Variants in EPHB4 observed in about 807,000 individuals in gnomAD.
EPHB4 encodes EPH receptor B4, also known as ephrin type-B receptor 4.
Under a neutral mutation model 110.6 loss-of-function variants are expected in EPHB4, and 50 were observed. That is an observed-to-expected ratio of 0.45 (90% CI 0.36 to 0.57). EPHB4 has a LOEUF of 0.57. EPHB4 is among the 20% of genes least tolerant of loss of function. The pLI, the probability that EPHB4 is intolerant of heterozygous loss-of-function variation, is 0.00. For missense variants in EPHB4, 1,128 were observed against 1,382.1 expected, an observed-to-expected ratio of 0.82 and a Z score of 2.91; for synonymous variants, 592 against 578.4, an observed-to-expected ratio of 1.02 and a Z score of -0.34.
At position 100,817,082 on chromosome 7, in the gene EPHB4, C is replaced by CA. The variant is rs35304729; in HGVS notation, c.1588+109dup. On this transcript the variant is annotated intron_variant, in intron 8 of 16. Coordinates refer to ENST00000358173, the MANE Select transcript of EPHB4 (RefSeq NM_004444.5). Reference sequence around the variant, plus strand: ...TGAGGGACAGAGCAAGACTCCATCTCAAAAAAAAAAAAAAAAAAAAAAGAT... The same window carrying CA: ...TGAGGGACAGAGCAAGACTCCATCTCAAAAAAAAAAAAAAAAAAAAAAAGAT... 166,403 of 751,216 alleles carry CA rather than the reference C, an allele frequency of 0.22. 9,470 individuals are homozygous for CA. Among genetic ancestry groups the CA allele is most frequent in the Middle Eastern group, 0.27 (551 of 2,052 alleles). 46.5% of individuals were successfully genotyped at this position (751,216 alleles called of 1,614,324 possible).
Position 100,819,444 on chromosome 7 carries a change from T to A in EPHB4, c.1297+113A>T, listed in dbSNP as rs534596807. On this transcript the variant is annotated intron_variant, in intron 6 of 16. Coordinates refer to ENST00000358173, the MANE Select transcript of EPHB4 (RefSeq NM_004444.5). ...TTTCTGCCTCTTGCCCCCAAAGCCT[T>A]AGCCCCTCACACTTCCGGGGTACCC... The A allele has an allele frequency of 1.5e-4, 186 of 1,252,046 alleles. No individual in the cohort carries two copies. The African/African-American group carries it at 2.5e-3, about 17-fold the overall frequency. The allele number at this position is 1,252,046 out of a possible 1,614,324, so 77.6% of individuals were successfully genotyped here. A position where few individuals can be genotyped will look rare whatever the true frequency, so the allele number is the denominator to read the frequency against.
chr7:100,817,914 C>T (rs1255743014), intron 7 of EPHB4, among the ~76,000 whole-genome samples: 10 of 123,632 alleles, frequency 8.1e-5, no homozygotes, highest in Middle Eastern at 6.9e-3. Context: ...TCGCCCAGGC[C>T]GGACTGCAGT....
intron 16 of EPHB4, among the ~76,000 whole-genome samples, chr7:100,804,594 C>T (rs951318379): frequency 6.6e-6 from 1 of 152,138 alleles, no homozygotes. Flanking sequence ...GCATTACAGG[C>T]ATGAGCCACC....
In EPHB4 at chr7:100,823,900, T is replaced by C; in HGVS notation, c.155A>G (p.Gln52Arg). ...WEELSGLDEE[Q>R]HSVRTYEVCD... ...CACTTCGTAGGTGCGCACGCTGTGC[T>C]GTTCCTCATCCAGGCCGCTCAGTTC... is the stretch of plus-strand genomic sequence containing the variant. Residue 52 changes from glutamine (Q) to arginine (R), a missense_variant, in exon 3 of 17, where the codon CAG (glutamine) becomes CGG (arginine). Physicochemically the swap from Gln to Arg is conservative, Grantham distance 43 (BLOSUM62 1). Coordinates refer to ENST00000358173, the MANE Select transcript of EPHB4 (RefSeq NM_004444.5). The C allele has an allele frequency of 6.2e-7, 1 of 1,602,464 alleles. No individual in the cohort carries two copies. Among genetic ancestry groups the C allele is most frequent in the Non-Finnish European group, 8.5e-7 (1 of 1,174,616 alleles).
chr7:100,813,169 G>A lies in EPHB4; in HGVS notation c.1796C>T (p.Pro599Leu). The A allele has an allele frequency of 2.5e-6, 4 of 1,608,612 alleles. No individual in the cohort carries two copies. Among genetic ancestry groups the A allele is most frequent in the African/African-American group, 2.7e-5 (2 of 75,050 alleles). ...TGCAAATTCCCTCACAGCCTCATTA[G>A]GGTCTTCATAAGTGAAGGGGTCGAT... ...VYIDPFTYED[P>L]NEAVREFAKE... Residue 599 changes from proline (P) to leucine (L), a missense_variant, in exon 11 of 17, where the codon CCT becomes CTT. Pro to Leu is a moderately conservative substitution (Grantham distance 98). Coordinates refer to ENST00000358173, the MANE Select transcript of EPHB4 (RefSeq NM_004444.5).
At chr7:100,803,873 TG>T (rs1024140173) in intron 16 of EPHB4, among the ~76,000 whole-genome samples, 2 of 151,754 alleles carry the variant, frequency 1.3e-5, no homozygotes, top group East Asian at 1.9e-4. Flanking sequence ...AAAATGAGAC[TG>T]GGGGAAGAGG....
At chr7:100,810,990 C>T (rs1169704530) in intron 12 of EPHB4, among the ~76,000 whole-genome samples, 1 of 151,944 alleles carries the variant, frequency 6.6e-6, no homozygotes, top group Non-Finnish European at 1.5e-5. Flanking sequence ...TGGCTCATGC[C>T]TGTAATCCCA....
In EPHB4 at chr7:100,812,834, G is replaced by A; in HGVS notation, c.2031C>T (p.Ile677=). The change falls in exon 12 of 17, where the codon ATC becomes ATT. Residue 677 remains isoleucine, a synonymous_variant. Coordinates refer to ENST00000358173, the MANE Select transcript of EPHB4 (RefSeq NM_004444.5). ...IMGQFEHPNI[I]RLEGVVTNSM... is the part of the protein sequence containing the mutation. ...TGTTGGTGACCACGCCCTCCAGGCG[G>A]ATGATATTGGGGTGCTCGAACTGGC... is the stretch of plus-strand genomic sequence containing the variant. The A allele has an allele frequency of 6.2e-7, 1 of 1,614,242 alleles. No individual in the cohort carries two copies. Among genetic ancestry groups the A allele is most frequent in the Non-Finnish European group, 8.5e-7 (1 of 1,180,038 alleles).
chr7:100,803,553 G>A lies in EPHB4; in HGVS notation c.2872C>T (p.Gln958Ter). ...TGGACACTGGCCAAGATTTTCTTCT[G>A]GTGTCCCGCCAGAGTGACTCCGATT... ...LRIGVTLAGHQKKILASVQHM... is the reference protein window; with the variant it reads ...LRIGVTLAGH The change falls in exon 17 of 17, where the codon CAG becomes TAG. Residue 958 changes from glutamine to a stop codon, truncating the protein, a stop_gained. Transcript: ENST00000358173. LOFTEE classifies it high-confidence loss of function. 2 of 1,605,366 alleles carry A rather than the reference G, an allele frequency of 1.2e-6. No individual in the cohort carries two copies. The highest frequency in any genetic ancestry group is 1.7e-6 in the Non-Finnish European group (2 of 1,175,670).
intron 2 of EPHB4, 53 bp downstream of exon 2, chr7:100,824,150 C>T (rs1353880129): frequency 1.2e-6 from 2 of 1,611,700 alleles, no homozygotes; most frequent in Non-Finnish European, 1.7e-6. Context: ...CACAGGCGCC[C>T]TCTCCTCCCT....
At chr7:100,811,127 T>C (rs544053449) in intron 12 of EPHB4, among the ~76,000 whole-genome samples, 13 of 39,592 alleles carry the variant, frequency 3.3e-4, no homozygotes, top group African/African-American at 9.1e-4. Flanking sequence ...GTGCATGCCA[T>C]GCAATTCCAA....
rs942643631 is a variant in EPHB4 at position 100,819,840 on chromosome 7, G to C, written c.1014C>G (p.Ser338=). 3 of 1,554,836 alleles carry C rather than the reference G, an allele frequency of 1.9e-6. No individual in the cohort carries two copies. In the African/African-American group the frequency reaches 4.1e-5, roughly 21 times the overall value. ...GGGGGGCACTCCATTCCAGGTGCAGGGAGGAGCCGTTCAGGCGGGAAACCA... is the reference window on the plus strand; with the variant it reads ...GGGGGGCACTCCATTCCAGGTGCAGCGAGGAGCCGTTCAGGCGGGAAACCA... ...RSVVSRLNGS[S]LHLEWSAPLE... The change falls in exon 6 of 17, where the codon TCC becomes TCG. Residue 338 remains serine (S), a synonymous_variant. Coordinates refer to ENST00000358173, the MANE Select transcript of EPHB4 (RefSeq NM_004444.5).
chr7:100,824,013 G>A, intron 2 of EPHB4, 82 bp from the exon 3 acceptor site: 6 of 1,512,152 alleles, frequency 4.0e-6, no homozygotes, highest in Admixed American at 2.1e-5. Flanking sequence ...TAAAGTGAGA[G>A]GGACTGAGAA....
In EPHB4 at chr7:100,814,804, C is replaced by T. The variant is rs545975893; in HGVS notation, c.1589-783G>A. 5.3e-5 allele frequency among the ~76,000 whole-genome samples: 8 copies of T among 151,594 alleles called. No homozygotes were observed. In the South Asian group the frequency reaches 1.7e-3, roughly 32 times the overall value. ...CTGAGGTGGGAGGATTGTGTGAGGC[C>T]AGGTGTTCAAGACCAGCCTGGGAAA... is the stretch of plus-strand genomic sequence containing the variant. On this transcript the variant is annotated intron_variant, in intron 8 of 16. Transcript: ENST00000358173.
chr7:100,806,669 C>G, intron 13 of EPHB4, 100 bp from the exon 14 acceptor site: 1 of 1,414,014 alleles, frequency 7.1e-7, no homozygotes, highest in Non-Finnish European at 9.5e-7. Context: ...TGCTTTTTCC[C>G]CCTAGCTCAG....
intron 5 of EPHB4, 68 bp downstream of exon 5, chr7:100,820,073 T>G: frequency 6.4e-7 from 1 of 1,570,934 alleles, no homozygotes; most frequent in Non-Finnish European, 8.6e-7. Flanking sequence ...ATGGGGGCCA[T>G]GTGAGGGTCC....
chr7:100,814,549 T>C (rs576345874), intron 8 of EPHB4, among the ~76,000 whole-genome samples: 79 of 152,264 alleles, frequency 5.2e-4, no homozygotes, highest in Non-Finnish European at 8.8e-4. Flanking sequence ...TTGGTTCTAG[T>C]ATAAATACCA....
intron 12 of EPHB4, among the ~76,000 whole-genome samples, chr7:100,808,589 A>G (rs1812864265): frequency 6.6e-6 from 1 of 152,152 alleles, no homozygotes; most frequent in African/African-American, 2.4e-5. Flanking sequence ...CTCTTGGACT[A>G]GCTGTGTATG....
chr7:100,823,615 G>A, intron 3 of EPHB4, 29 bp downstream of exon 3: 2 of 1,601,592 alleles, frequency 1.2e-6, no homozygotes, highest in Middle Eastern at 1.7e-4. Flanking sequence ...CACCTTGGCT[G>A]TGGCTGAGCC....
Sources: allele counts gnomAD v4.1 joint callset (sites outside exome capture counted in the v4.1 genomes callset), GRCh38; gene constraint gnomAD v4.1.1; transcripts MANE v1.5; gene names NCBI Gene and HGNC (gene_info 2026-07-23, HGNC 2026-07-21).